The following MAPK8IP3 variants were observed in gnomAD, a reference collection of about 807,000 sequenced individuals.
MAPK8IP3 encodes the protein mitogen-activated protein kinase 8 interacting protein 3, also known as C-Jun-amino-terminal kinase-interacting protein 3.
A neutral mutation model predicts 157.8 loss-of-function variants in MAPK8IP3; 49 were observed. The ratio of observed to expected loss-of-function variants is 0.31; its 90% confidence interval spans 0.25 to 0.39. The LOEUF (loss-of-function observed/expected upper bound fraction) is 0.39. Among genes scored for constraint, MAPK8IP3 ranks in the 10% least tolerant of loss-of-function variants. The pLI is 1.00. For synonymous variants in MAPK8IP3, 897 were observed against 777.7 expected (o/e 1.15, Z -2.55); for missense variants, 1,478 against 1,889.4 (o/e 0.78, Z 4.04).
chr16:1,735,705 G>A lies in MAPK8IP3; in HGVS notation c.602+6127G>A, dbSNP rs191435392. 5.5e-3 allele frequency among the ~76,000 whole-genome samples: 716 copies of A among 129,378 alleles called. 6 individuals carry two copies. The highest frequency in any genetic ancestry group is 7.7e-3 in the African/African-American group (233 of 30,362). 84.9% of individuals were successfully genotyped at this position (129,378 alleles called of 152,430 possible). ...CGTGTGAGCGTCTGTGTGCCTGTCC[G>A]TGTGAGCATCCGTGTGACCGTCCAT... is the stretch of plus-strand genomic sequence containing the variant. On this transcript the variant is annotated intron_variant, in intron 4 of 31. Coordinates refer to ENST00000610761, the MANE Select transcript of MAPK8IP3 (RefSeq NM_001318852.2).
At chr16:1,764,880 G>A in intron 19 of MAPK8IP3, 133 bp from the exon 20 acceptor site, 1 of 840,552 alleles carries the variant, frequency 1.2e-6, no homozygotes, top group Non-Finnish European at 1.9e-6. Flanking sequence ...CTGGTCCTGG[G>A]GGAGGACAGC....
chr16:1,706,556 A>C lies in MAPK8IP3; in HGVS notation c.217A>C (p.Asn73His). 6.2e-7 allele frequency: 1 copy of C among 1,613,458 alleles called. No homozygotes were observed. The highest frequency in any genetic ancestry group is 8.5e-7 in the Non-Finnish European group (1 of 1,179,766). ...GAACCTAGACTCGGTGCTCAGCGAG[A>C]ACCAGGAGCACGAGGTGGAGCTGGA... Reference protein sequence around the residue: ...LENLDSVLSENQEHEVELELL... With the variant: ...LENLDSVLSEHQEHEVELELL... Residue 73 changes from asparagine (N) to histidine (H), a missense_variant, in exon 1 of 32, where the codon AAC (asparagine) becomes CAC (histidine). Coordinates refer to ENST00000610761, the MANE Select transcript of MAPK8IP3 (RefSeq NM_001318852.2). The surrounding 1 kb of genome is among the most constrained non-coding windows in gnomAD (Gnocchi z 5.1).
At chr16:1,713,816 A>C (rs547219837) in intron 1 of MAPK8IP3, 14 of 152,170 alleles carry the variant, frequency 9.2e-5, no homozygotes, top group African/African-American at 3.4e-4. Context: ...TTGCAGTATC[A>C]TTGACATACA....
chr16:1,737,743 C>T (rs1167100038), intron 4 of MAPK8IP3, among the ~76,000 whole-genome samples: 2 of 45,732 alleles, frequency 4.4e-5, no homozygotes, highest in Admixed American at 3.0e-4. Context: ...TCCGTGTGAG[C>T]GTGACCATCC....
rs150792411 is a variant in MAPK8IP3, at chr16:1,718,121, G to C, written c.319-6436G>C. On this transcript the variant is annotated intron_variant, in intron 1 of 31. Transcript: ENST00000610761. Reference sequence around the variant, plus strand: ...GCCCGCCTCGGACTCCCAAAGTGCTGGGATTACAGGTGTGAGCCACCAAGC... The same window carrying C: ...GCCCGCCTCGGACTCCCAAAGTGCTCGGATTACAGGTGTGAGCCACCAAGC... Among the ~76,000 whole-genome samples, 127 of 152,122 alleles carry C rather than the reference G, an allele frequency of 8.3e-4. 1 individual carries two copies. In the East Asian group the frequency reaches 0.02, roughly 24 times the overall value.
intron 4 of MAPK8IP3, among the ~76,000 whole-genome samples, chr16:1,740,028 G>A (rs561735099): frequency 8.4e-5 from 11 of 131,642 alleles, no homozygotes; most frequent in African/African-American, 2.1e-4. Flanking sequence ...GTGAGCATCC[G>A]TGTGACCGTC....
chr16:1,730,840 C>CAAAA (rs72481919), intron 4 of MAPK8IP3, among the ~76,000 whole-genome samples: 1 of 56,208 alleles, frequency 1.8e-5, no homozygotes. Context: ...GAGACTCTGT[C>CAAAA]AAAAAAAAAA....
At chr16:1,725,645 T>C (rs1439288330) in intron 2 of MAPK8IP3, among the ~76,000 whole-genome samples, 2 of 151,992 alleles carry the variant, frequency 1.3e-5, no homozygotes, top group Non-Finnish European at 2.9e-5. Context: ...AAGAAAAAAT[T>C]TAAAAAAGAA....
intron 25 of MAPK8IP3, 32 bp from the exon 26 acceptor site, chr16:1,767,117 A>G (rs772497571): frequency 1.2e-6 from 2 of 1,610,774 alleles, no homozygotes; most frequent in South Asian, 1.1e-5. Context: ...GGGCCTGGCC[A>G]GGCCTGAGCA....
chr16:1,726,174 G>T (rs926225633), intron 2 of MAPK8IP3, among the ~76,000 whole-genome samples: 1 of 152,220 alleles, frequency 6.6e-6, no homozygotes, highest in Non-Finnish European at 1.5e-5. Context: ...GAGTCTGGGG[G>T]CCAGAGGGTG....
At chr16:1,738,203 CGTGT>C (rs1310509454) in intron 4 of MAPK8IP3, among the ~76,000 whole-genome samples, 7 of 71,854 alleles carry the variant, frequency 9.7e-5, no homozygotes, top group Admixed American at 9.3e-4. Context: ...TGTGACCGTC[CGTGT>C]GTGTGACCAT....
intron 2 of MAPK8IP3, among the ~76,000 whole-genome samples, chr16:1,725,052 G>A (rs2038778418): frequency 6.6e-6 from 1 of 152,074 alleles, no homozygotes; most frequent in Admixed American, 6.6e-5. Context: ...CAGGAGGGTG[G>A]GCCCGCTGGT....
At chr16:1,735,947 AGTGTGACCGCCCATGTGAGCATCC>A (rs2039723115) in intron 4 of MAPK8IP3, among the ~76,000 whole-genome samples, 1 of 108,330 alleles carries the variant, frequency 9.2e-6, no homozygotes, top group Non-Finnish European at 1.8e-5. Context: ...CGTCTGTGTG[AGTGTGACCGCCCATGTGAGCATCC>A]GTGTGACCGT....
intron 17 of MAPK8IP3, 31 bp downstream of exon 17, chr16:1,763,814 G>A: frequency 7.1e-7 from 1 of 1,401,162 alleles, no homozygotes; most frequent in Non-Finnish European, 9.3e-7. Flanking sequence ...GACCGGGCGG[G>A]GCCCCGCAGA....
intron 19 of MAPK8IP3, 106 bp downstream of exon 19, chr16:1,764,565 C>T (rs2042146668): frequency 6.2e-6 from 9 of 1,444,860 alleles, no homozygotes; most frequent in Middle Eastern, 2.5e-4. Flanking sequence ...GGACAGCACC[C>T]GGAAGCAGGG....
chr16:1,736,576 G>A (rs111208268), intron 4 of MAPK8IP3, among the ~76,000 whole-genome samples: 10 of 83,884 alleles, frequency 1.2e-4, no homozygotes, highest in Admixed American at 3.4e-4. Context: ...GTGACCGTCC[G>A]TGTGAGCGTG....
intron 4 of MAPK8IP3, among the ~76,000 whole-genome samples, chr16:1,732,903 G>A (rs932257653): frequency 6.6e-6 from 1 of 152,254 alleles, no homozygotes; most frequent in Admixed American, 6.5e-5. Context: ...CTACACCGGG[G>A]CGTGTGGATG....
chr16:1,746,803 C>T, intron 5 of MAPK8IP3: 1 of 577,896 alleles, frequency 1.7e-6, no homozygotes, highest in Non-Finnish European at 3.0e-6. Flanking sequence ...GAGGGTGGCC[C>T]TGCTTCCGAG....
chr16:1,761,275 G>A lies in MAPK8IP3; in HGVS notation c.1509G>A (p.Glu503=), dbSNP rs201529678. ...GCCGTGAACCCAAAGAAGAGGCGGA[G>A]GATGTAAGCAGCTATCTCTGTACAG... ...IARREPKEEA[E]DVSSYLCTES... is the part of the protein sequence containing the mutation. The change falls in exon 13 of 32, where the codon GAG becomes GAA. Residue 503 remains glutamate (E), a synonymous_variant. Transcript: ENST00000610761. The A allele has an allele frequency of 2.1e-5, 34 of 1,613,738 alleles. No homozygotes were observed. The Admixed American group carries it at 4.3e-4, about 21-fold the overall frequency.
Sources: gnomAD v4.1 joint callset for allele counts (sites outside exome capture counted in the v4.1 genomes callset) on GRCh38, gnomAD v4.1.1 for gene constraint, Gnocchi (gnomAD v3.1) non-coding constraint, MANE v1.5 for transcripts, NCBI Gene and HGNC (gene_info 2026-07-23, HGNC 2026-07-21) for gene names.